The following TBR1 variants were observed in gnomAD, a reference collection of about 807,000 sequenced individuals.
The protein encoded by TBR1 is T-box brain transcription factor 1.
In TBR1, 7 loss-of-function variants were observed where a neutral mutation model predicts 60.3. The ratio of observed to expected loss-of-function variants is 0.12; its 90% CI spans 0.07 to 0.22. The LOEUF is 0.22. Ranked by LOEUF, TBR1 falls within the 10% of genes least tolerant of loss-of-function variation. TBR1 has a pLI of 1.00. For synonymous variants in TBR1, 417 were observed against 409.9 expected (o/e 1.02, Z -0.21); for missense variants, 616 against 936.8 (o/e 0.66, Z 4.47).
chr2:161,423,522 C>T lies in TBR1; in HGVS notation c.1344C>T (p.Gly448=), dbSNP rs1037538517. Residue 448 remains glycine, a synonymous_variant, in exon 6 of 6, where the codon GGC becomes GGT. Coordinates refer to ENST00000389554, the MANE Select transcript of TBR1 (RefSeq NM_006593.4). ...ACGCCAAGGCCCGCTTCCACCCGGG[C>T]GCGGGCGCGGGCCCCGGGCCGGGTA... ...SNYAKARFHP[G]AGAGPGPGTD... 52 of 1,579,412 alleles carry T rather than the reference C, an allele frequency of 3.3e-5. No homozygotes were observed. Among genetic ancestry groups the T allele is most frequent in the Non-Finnish European group, 4.4e-5 (51 of 1,165,690 alleles).
At position 161,424,245 on chromosome 2, in the gene TBR1, G is replaced by C; in HGVS notation, c.*18G>C. Reference sequence around the variant, plus strand: ...ACAGCTAGGCCGCCCCTGCCCGCCCGGCCCCGCCGCGGCCCGGACCCCCAG... The same window carrying C: ...ACAGCTAGGCCGCCCCTGCCCGCCCCGCCCCGCCGCGGCCCGGACCCCCAG... On this transcript the variant is annotated 3_prime_UTR_variant, in exon 6 of 6. Transcript: ENST00000389554. This position sits in a 1 kb window ranked among gnomAD's most constrained non-coding sequence, Gnocchi z 4.4. 1 of 1,532,028 alleles carries C rather than the reference G, an allele frequency of 6.5e-7. No individual in the cohort carries two copies. The highest frequency in any genetic ancestry group is 1.2e-5 in the South Asian group (1 of 82,148). The allele number at this position is 1,532,028 out of a possible 1,614,324, so 94.9% of individuals were successfully genotyped here.
Position 161,425,005 on chromosome 2 carries a change from C to G in TBR1, c.*778C>G, listed in dbSNP as rs1413282820. 6.6e-6 allele frequency: 1 copy of G among 152,360 alleles called. No homozygotes were observed. Among genetic ancestry groups the G allele is most frequent in the African/African-American group, 2.4e-5 (1 of 41,422 alleles). 9.4% of individuals were successfully genotyped at this position (152,360 alleles called of 1,614,324 possible). ...CTCAATCCGTTGCATGAAATAATTA[C>G]TATGTGCCCTAATGCACACAAATAG... On this transcript the variant is annotated 3_prime_UTR_variant, in exon 6 of 6. Transcript: ENST00000389554.
At chr2:161,423,303 C>A in intron 5 of TBR1, 66 bp from the exon 6 acceptor site, 2 of 1,126,954 alleles carry the variant, frequency 1.8e-6, no homozygotes, top group Non-Finnish European at 2.4e-6. Flanking sequence ...CTTCTGCCCC[C>A]ACCCCCACCC....
chr2:161,418,086 A>C, intron 2 of TBR1, 115 bp from the exon 3 acceptor site: 1 of 1,400,726 alleles, frequency 7.1e-7, no homozygotes, highest in East Asian at 2.7e-5. Flanking sequence ...TGGTGGAGTA[A>C]GGTGTGTGTA....
In TBR1 at chr2:161,417,899, T is replaced by C; in HGVS notation, c.847+69T>C. The C allele has an allele frequency of 7.7e-6, 12 of 1,558,872 alleles. No individual in the cohort carries two copies. In the South Asian group the frequency reaches 1.3e-4, roughly 17 times the overall value. On this transcript the variant is annotated intron_variant, in intron 2 of 5. Coordinates refer to ENST00000389554, the MANE Select transcript of TBR1 (RefSeq NM_006593.4). The surrounding 1 kb of genome is among the most constrained non-coding windows in gnomAD (Gnocchi z 5.3). ...TGAGAATGATTAATTAAAGCCTTTG[T>C]GGACTGGCTCGAGCGACTTTTAAAA... is the stretch of plus-strand genomic sequence containing the variant.
chr2:161,423,621 G>T lies in TBR1; in HGVS notation c.1443G>T (p.Pro481=). ...QQAEDPGAPS[P]QRWFVTPANN... ...CCGAGGACCCGGGCGCGCCCTCGCC[G>T]CAACGCTGGTTTGTGACGCCGGCCA... The change falls in exon 6 of 6, where the codon CCG becomes CCT. Residue 481 remains proline (P), a synonymous_variant. Transcript: ENST00000389554. The T allele has an allele frequency of 6.5e-7, 1 of 1,533,734 alleles. No homozygotes were observed. The highest frequency in any genetic ancestry group is 8.7e-7 in the Non-Finnish European group (1 of 1,147,948).
Position 161,423,565 on chromosome 2 carries a change from C to A in TBR1, c.1387C>A (p.His463Asn). The A allele has an allele frequency of 6.4e-7, 1 of 1,555,674 alleles. No homozygotes were observed. Among genetic ancestry groups the A allele is most frequent in the Admixed American group, 1.9e-5 (1 of 52,822 alleles). The change falls in exon 6 of 6, where the codon CAC becomes AAC. Residue 463 changes from histidine (H) to asparagine (N), a missense_variant. Physicochemically the swap from His to Asn is moderately conservative, Grantham distance 68 (BLOSUM62 1). Transcript: ENST00000389554. ...GCCGGGTACGGACCGCAGCGTGCCG[C>A]ACACCAACGGGCTGCTGTCGCCGCA... ...PGPGTDRSVPHTNGLLSPQQA... is the reference protein window; with the variant it reads ...PGPGTDRSVPNTNGLLSPQQA...
chr2:161,417,506 G>A lies in TBR1; in HGVS notation c.693-170G>A. 3.5e-6 allele frequency: 3 copies of A among 861,994 alleles called. No homozygotes were observed. In the South Asian group the frequency reaches 5.5e-5, roughly 16 times the overall value. The allele number at this position is 861,994 out of a possible 1,614,324, so 53.4% of individuals were successfully genotyped here. ...CCCGCCGCTCTCCCTGATTTGGGTT[G>A]CACTTCTTTTCTTCTCCCACCACCC... On this transcript the variant is annotated intron_variant, in intron 1 of 5. Coordinates refer to ENST00000389554, the MANE Select transcript of TBR1 (RefSeq NM_006593.4). This position sits in a 1 kb window ranked among gnomAD's most constrained non-coding sequence, Gnocchi z 5.3.
intron 3 of TBR1, 167 bp from the exon 4 acceptor site, chr2:161,418,725 C>A: frequency 1.0e-6 from 1 of 968,964 alleles, no homozygotes; most frequent in Non-Finnish European, 1.5e-6. Context: ...GCCGGTCTGC[C>A]CCAGCCAGCC....
chr2:161,418,790 C>A lies in TBR1; in HGVS notation c.970-102C>A, dbSNP rs1441018946. On this transcript the variant is annotated intron_variant, in intron 3 of 5. Transcript: ENST00000389554. ...GTTAGCCTGGAAGGCGGGCTGCAGG[C>A]TGCCTCCGCCGGCCCGGGCGCGCAG... 4 of 1,459,106 alleles carry A rather than the reference C, an allele frequency of 2.7e-6. No individual in the cohort carries two copies. In the South Asian group the frequency reaches 5.5e-5, roughly 20 times the overall value. 90.4% of individuals were successfully genotyped at this position (1,459,106 alleles called of 1,614,324 possible).
rs778428019 is a variant in TBR1, at chr2:161,416,887, C to T, written c.477C>T (p.Ser159=). ...TCATCACCAACGGAGCCTACAACAGCCTCCTGTCCAACTCCTCGCCGCAGG... is the reference window on the plus strand; with the variant it reads ...TCATCACCAACGGAGCCTACAACAGTCTCCTGTCCAACTCCTCGCCGCAGG... The part of the protein sequence containing the change: ...HPVITNGAYN[S]LLSNSSPQGY... The change falls in exon 1 of 6, where the codon AGC becomes AGT. Residue 159 remains serine, a synonymous_variant. Transcript: ENST00000389554. This position sits in a 1 kb window ranked among gnomAD's most constrained non-coding sequence, Gnocchi z 6.1. 3 of 1,614,038 alleles carry T rather than the reference C, an allele frequency of 1.9e-6. No individual in the cohort carries two copies. Among genetic ancestry groups the T allele is most frequent in the Admixed American group, 3.3e-5 (2 of 60,024 alleles).
Position 161,417,844 on chromosome 2 carries a change from A to G in TBR1, c.847+14A>G, listed in dbSNP as rs1251673428. ...CCAATGTGCAAGGCAAGTCCTTCCA[A>G]TTAACACATTTTCTTGACACTTATT... On this transcript the variant is annotated intron_variant, in intron 2 of 5. Transcript: ENST00000389554. The surrounding 1 kb of genome is among the most constrained non-coding windows in gnomAD (Gnocchi z 5.3). The G allele has an allele frequency of 6.2e-7, 1 of 1,612,646 alleles. No homozygotes were observed. The highest frequency in any genetic ancestry group is 8.5e-7 in the Non-Finnish European group (1 of 1,179,472).
intron 5 of TBR1, chr2:161,422,056 A>C (rs1468769127): frequency 6.6e-6 from 1 of 152,002 alleles, no homozygotes; most frequent in African/African-American, 2.4e-5. Flanking sequence ...GACATGGCTC[A>C]ATTTTGGAGA....
intron 5 of TBR1, 150 bp downstream of exon 5, chr2:161,420,407 TTCTTCC>T (rs1178199641): frequency 3.4e-5 from 14 of 410,364 alleles, no homozygotes; most frequent in Admixed American, 1.4e-4. Context: ...TTCTTCTTTC[TTCTTCC>T]TCTTCTTTTT....
intron 5 of TBR1, chr2:161,420,943 G>C (rs944573539): frequency 1.3e-5 from 2 of 152,300 alleles, no homozygotes; most frequent in African/African-American, 4.8e-5. Flanking sequence ...TTGTATCTAG[G>C]TGTGTTTTAA....
chr2:161,416,721 G>T lies in TBR1; in HGVS notation c.311G>T (p.Arg104Leu), dbSNP rs1346479772. 16 of 1,614,044 alleles carry T rather than the reference G, an allele frequency of 9.9e-6. No homozygotes were observed. The highest frequency in any genetic ancestry group is 1.3e-5 in the Non-Finnish European group (15 of 1,179,994). ...RHSFDGSAAD[R>L]YLLSQSSQPQ... ...AGTTTCGATGGCTCTGCTGCAGATC[G>T]CTACCTCCTCTCTCAGTCCAGCCAG... is the stretch of plus-strand genomic sequence containing the variant. Residue 104 changes from arginine to leucine, a missense_variant, in exon 1 of 6, where the codon CGC (arginine) becomes CTC (leucine). Arg to Leu is a moderately radical substitution (Grantham distance 102, BLOSUM62 -2). This residue lies in a region of TBR1 where 211 missense variants were observed against 268.7 expected (regional missense o/e 0.79). Transcript: ENST00000389554. The surrounding 1 kb of genome is among the most constrained non-coding windows in gnomAD (Gnocchi z 6.1).
chr2:161,417,180 GCGA>G lies in TBR1; in HGVS notation c.692+82_692+84del. The G allele has an allele frequency of 6.9e-7, 1 of 1,447,228 alleles. No individual in the cohort carries two copies. Among genetic ancestry groups the G allele is most frequent in the Non-Finnish European group, 9.3e-7 (1 of 1,079,798 alleles). The allele number at this position is 1,447,228 out of a possible 1,614,324, so 89.6% of individuals were successfully genotyped here. ...CACCTAGGCTGTGACTGCCGCGGCAGCGACGATTTGGGGTCGGGAGCGGAGTGG... is the reference window on the plus strand; with the variant it reads ...CACCTAGGCTGTGACTGCCGCGGCAGCGATTTGGGGTCGGGAGCGGAGTGG... On this transcript the variant is annotated intron_variant, in intron 1 of 5. Transcript: ENST00000389554. This position sits in a 1 kb window ranked among gnomAD's most constrained non-coding sequence, Gnocchi z 5.3.
chr2:161,416,849 G>T lies in TBR1; in HGVS notation c.439G>T (p.Ala147Ser). The T allele has an allele frequency of 6.2e-7, 1 of 1,614,056 alleles. No homozygotes were observed. Among genetic ancestry groups the T allele is most frequent in the Non-Finnish European group, 8.5e-7 (1 of 1,180,018 alleles). The change falls in exon 1 of 6, where the codon GCC becomes TCC. Residue 147 changes from alanine to serine, a missense_variant. This residue lies in a region of TBR1 where 211 missense variants were observed against 268.7 expected (regional missense o/e 0.79). Coordinates refer to ENST00000389554, the MANE Select transcript of TBR1 (RefSeq NM_006593.4). This position sits in a 1 kb window ranked among gnomAD's most constrained non-coding sequence, Gnocchi z 6.1. ...FSIGSPSRYM[A>S]HHPVITNGAY... ...CATCGGCAGCCCTAGCCGCTACATG[G>T]CCCACCACCCGGTCATCACCAACGG...
intron 5 of TBR1, chr2:161,422,841 C>T (rs1218005725): frequency 6.6e-6 from 1 of 152,146 alleles, no homozygotes; most frequent in East Asian, 1.9e-4. Flanking sequence ...GTTTCTGAAA[C>T]AATCTAGAAA....
Sources: allele counts gnomAD v4.1 joint callset, GRCh38; gene constraint gnomAD v4.1.1; regional missense constraint gnomAD v4.1.1; non-coding constraint Gnocchi (gnomAD v3.1); transcripts MANE v1.5; gene names NCBI Gene and HGNC (gene_info 2026-07-23, HGNC 2026-07-21).